Variants in ADARB1 observed in about 807,000 individuals in gnomAD.
ADARB1 encodes adenosine deaminase RNA specific B1, also known as double-stranded RNA-specific editase 1.
ADARB1 carries 10 observed loss-of-function variants against 52.4 expected under a neutral mutation model. The ratio of observed to expected loss-of-function variants is 0.19; its 90% CI spans 0.12 to 0.32. The LOEUF is 0.32. Among genes scored for constraint, ADARB1 ranks in the 10% least tolerant of loss-of-function variants. ADARB1 has a pLI of 1.00. For missense variants in ADARB1, 643 were observed against 922.3 expected, an observed-to-expected ratio of 0.70 and a Z score of 3.92; for synonymous variants, 349 against 371.1, an observed-to-expected ratio of 0.94 and a Z score of 0.68.
At position 45,224,409 on chromosome 21, in the gene ADARB1, C is replaced by A. The variant is rs2093020083; in HGVS notation, c.*2212C>A. On this transcript the variant is annotated 3_prime_UTR_variant, in exon 11 of 11. Coordinates refer to ENST00000348831, the MANE Select transcript of ADARB1 (RefSeq NM_001112.4). ...ACCTTTCCGGGGTGGACTCGTGCGG[C>A]CTTGAGGACAGGCACAGGGCACCCT... The A allele has an allele frequency of 2.1e-6, 2 of 936,380 alleles. No individual in the cohort carries two copies. The highest frequency in any genetic ancestry group is 2.3e-5 in the African/African-American group (1 of 43,110). The allele number at this position is 936,380 out of a possible 1,614,324, so 58.0% of individuals were successfully genotyped here.
At position 45,183,374 on chromosome 21, in the gene ADARB1, T is replaced by C. The variant is rs2091993584; in HGVS notation, c.1260T>C (p.Asp420=). Residue 420 remains aspartate, a synonymous_variant, in exon 7 of 11, where the codon GAT becomes GAC. Coordinates refer to ENST00000348831, the MANE Select transcript of ADARB1 (RefSeq NM_001112.4). The part of the protein sequence containing the change: ...QLELYLNNKD[D]QKRSIFQKSE... ...TTTTTCCTTTCAGTAACAAAGATGA[T>C]CAAAAAAGATCCATCTTTCAGAAAT... 6.3e-7 allele frequency: 1 copy of C among 1,599,936 alleles called. No individual in the cohort carries two copies. Among genetic ancestry groups the C allele is most frequent in the Admixed American group, 1.8e-5 (1 of 55,746 alleles).
At chr21:45,124,787 ATGTGTGTGTGTGTG>A (rs56113860) in intron 1 of ADARB1, among the ~76,000 whole-genome samples, 2 of 135,810 alleles carry the variant, frequency 1.5e-5, no homozygotes, top group South Asian at 2.4e-4. Flanking sequence ...GTGTGTGTGT[ATGTGTGTGTGTGTG>A]TGTGTGTGTG....
intron 1 of ADARB1, among the ~76,000 whole-genome samples, chr21:45,090,350 AG>A (rs920503585): frequency 6.6e-6 from 1 of 151,854 alleles, no homozygotes; most frequent in African/African-American, 2.4e-5. Flanking sequence ...CCCTACCCCT[AG>A]TCTTTTCATT....
intron 8 of ADARB1, among the ~76,000 whole-genome samples, chr21:45,201,047 T>G (rs564105943): frequency 3.3e-4 from 51 of 152,306 alleles, no homozygotes; most frequent in Non-Finnish European, 2.9e-5. Context: ...GTAGGTTCCT[T>G]GGGTGTCAGC....
intron 9 of ADARB1, among the ~76,000 whole-genome samples, chr21:45,207,042 G>A (rs372799025): frequency 6.6e-6 from 1 of 152,128 alleles, no homozygotes; most frequent in Admixed American, 6.5e-5. Flanking sequence ...TCTGTGTCTC[G>A]GGTTCTTCAT....
At chr21:45,101,656 C>A (rs977029460) in intron 1 of ADARB1, among the ~76,000 whole-genome samples, 1 of 152,150 alleles carries the variant, frequency 6.6e-6, no homozygotes, top group African/African-American at 2.4e-5. Flanking sequence ...ACTTCACCAT[C>A]GTAGAGCTTT....
intron 9 of ADARB1, among the ~76,000 whole-genome samples, chr21:45,212,826 A>G (rs1387285665): frequency 6.6e-5 from 10 of 152,248 alleles, no homozygotes; most frequent in African/African-American, 1.9e-4. Flanking sequence ...AGAAAGATCT[A>G]TATGAGAAAA....
intron 1 of ADARB1, among the ~76,000 whole-genome samples, chr21:45,111,993 T>G (rs2087562744): frequency 6.6e-6 from 1 of 152,226 alleles, no homozygotes; most frequent in Non-Finnish European, 1.5e-5. Context: ...ATCAACTGCT[T>G]TGGAAGTTTC....
intron 1 of ADARB1, among the ~76,000 whole-genome samples, chr21:45,087,164 A>G (rs76466994): frequency 0.067 from 10,201 of 152,294 alleles, 421 homozygotes; most frequent in East Asian, 0.19. Flanking sequence ...TTCAGCCTAC[A>G]ACACCACAGA....
At chr21:45,188,644 G>C (rs952482354) in intron 8 of ADARB1, among the ~76,000 whole-genome samples, 1 of 150,978 alleles carries the variant, frequency 6.6e-6, no homozygotes, top group South Asian at 2.1e-4. Context: ...TACCCAATCT[G>C]TATCTTTTGA....
At chr21:45,184,284 CA>C (rs1419928968) in intron 7 of ADARB1, among the ~76,000 whole-genome samples, 2 of 152,080 alleles carry the variant, frequency 1.3e-5, no homozygotes, top group African/African-American at 4.8e-5. Context: ...ATCCATCACC[CA>C]GAATTAGCAA....
At chr21:45,199,910 G>T (rs1429395720) in intron 8 of ADARB1, among the ~76,000 whole-genome samples, 1 of 152,186 alleles carries the variant, frequency 6.6e-6, no homozygotes, top group East Asian at 1.9e-4. Context: ...GGGGCTCATG[G>T]ACCTGAACCC....
At chr21:45,087,184 C>G (rs2086380801) in intron 1 of ADARB1, among the ~76,000 whole-genome samples, 1 of 152,186 alleles carries the variant, frequency 6.6e-6, no homozygotes, top group Non-Finnish European at 1.5e-5. Context: ...AAACACTTAC[C>G]CTTTGACCCA....
At chr21:45,188,380 T>C (rs1018419288) in intron 8 of ADARB1, among the ~76,000 whole-genome samples, 1 of 152,250 alleles carries the variant, frequency 6.6e-6, no homozygotes, top group African/African-American at 2.4e-5. Context: ...GTGCTGGGAT[T>C]ACAGGCATGA....
rs145158557 is a variant in ADARB1 at position 45,216,122 on chromosome 21, G to A, written c.1748-4714G>A. 2.1e-3 allele frequency among the ~76,000 whole-genome samples: 324 copies of A among 152,120 alleles called. 2 individuals carry two copies. Among genetic ancestry groups the A allele is most frequent in the Non-Finnish European group, 3.5e-3 (240 of 67,962 alleles). Reference sequence around the variant, plus strand: ...TAATATATTGGCATAAAAGCATTCAGAATATTCATTTTAATATCTGTGATA... The same window carrying A: ...TAATATATTGGCATAAAAGCATTCAAAATATTCATTTTAATATCTGTGATA... On this transcript the variant is annotated intron_variant, in intron 9 of 10. Transcript: ENST00000348831.
In ADARB1 at chr21:45,172,589, A is replaced by T. The variant is rs1314860880; in HGVS notation, c.28+905A>T. Among the ~76,000 whole-genome samples, 1 of 152,062 alleles carries T rather than the reference A, an allele frequency of 6.6e-6. No homozygotes were observed. The highest frequency in any genetic ancestry group is 2.4e-5 in the African/African-American group (1 of 41,396). On this transcript the variant is annotated intron_variant, in intron 3 of 10. Transcript: ENST00000348831. The surrounding 1 kb of genome is among the most constrained non-coding windows in gnomAD (Gnocchi z 4.4). ...CCATGACCCAGTGAAGCATTTCTGCATGGTATTGATTTCTGCATGGTATTG... is the reference window on the plus strand; with the variant it reads ...CCATGACCCAGTGAAGCATTTCTGCTTGGTATTGATTTCTGCATGGTATTG...
intron 1 of ADARB1, among the ~76,000 whole-genome samples, chr21:45,123,478 T>C (rs531851400): frequency 7.2e-5 from 11 of 152,204 alleles, no homozygotes; most frequent in Non-Finnish European, 1.3e-4. Flanking sequence ...TAATTTTGTT[T>C]ACTTTTTATA....
intron 4 of ADARB1, among the ~76,000 whole-genome samples, chr21:45,178,935 C>T (rs542885277): frequency 1.3e-5 from 2 of 152,190 alleles, no homozygotes; most frequent in Non-Finnish European, 2.9e-5. Context: ...TCGGAACTCA[C>T]TCTGAAGTTA....
intron 1 of ADARB1, among the ~76,000 whole-genome samples, chr21:45,105,549 C>T (rs2087210507): frequency 6.6e-6 from 1 of 152,198 alleles, no homozygotes; most frequent in African/African-American, 2.4e-5. Context: ...TGTTCCTTCT[C>T]AGATCACAGT....
Sources: allele counts gnomAD v4.1 joint callset (sites outside exome capture counted in the v4.1 genomes callset), GRCh38; gene constraint gnomAD v4.1.1; non-coding constraint Gnocchi (gnomAD v3.1); transcripts MANE v1.5; gene names NCBI Gene and HGNC (gene_info 2026-07-23, HGNC 2026-07-21).